WWOX: variants seen among roughly 807,000 people sequenced by gnomAD.
WWOX encodes WW domain containing oxidoreductase, also known as WW domain-containing oxidoreductase.
WWOX carries 69 observed loss-of-function variants against 46.2 expected under a neutral mutation model. The observed-to-expected ratio is 1.49, with a 90% CI of 1.23 to 1.82. The LOEUF is 1.82. Ranked by LOEUF, WWOX falls within the 40% of genes most tolerant of loss-of-function variation. WWOX has a pLI of 0.00. For missense variants in WWOX, 919 were observed against 542.6 expected, an observed-to-expected ratio of 1.69 and a Z score of -6.89; for synonymous variants, 359 against 202.6, an observed-to-expected ratio of 1.77 and a Z score of -6.56.
intron 5 of WWOX, among the ~76,000 whole-genome samples, chr16:78,208,149 A>G (rs1262227061): frequency 6.6e-6 from 1 of 152,192 alleles, no homozygotes; most frequent in Non-Finnish European, 1.5e-5. Flanking sequence ...ATCATATGCC[A>G]ATGTTTTATT....
At chr16:78,334,851 CACACAA>C (rs1292861711) in intron 5 of WWOX, among the ~76,000 whole-genome samples, 4 of 136,190 alleles carry the variant, frequency 2.9e-5, no homozygotes, top group South Asian at 2.3e-4. Flanking sequence ...CACACACACA[CACACAA>C]AATCACCAAA....
chr16:78,160,330 G>T (rs1343378003), intron 4 of WWOX, among the ~76,000 whole-genome samples: 3 of 152,020 alleles, frequency 2.0e-5, no homozygotes, highest in Non-Finnish European at 2.9e-5. Context: ...TTGCCATGTT[G>T]CCCAGGCTGG....
chr16:78,671,220 CGAG>C (rs2047455700), intron 8 of WWOX, among the ~76,000 whole-genome samples: 1 of 152,016 alleles, frequency 6.6e-6, no homozygotes, highest in Non-Finnish European at 1.5e-5. Flanking sequence ...CCCAGGAGTT[CGAG>C]ACCAGCCTGG....
chr16:78,377,040 C>T (rs762167211), intron 5 of WWOX, among the ~76,000 whole-genome samples: 4 of 152,200 alleles, frequency 2.6e-5, no homozygotes, highest in East Asian at 1.9e-4. Flanking sequence ...CTTTCTGAAT[C>T]GAGGAGGTGG....
intron 5 of WWOX, among the ~76,000 whole-genome samples, chr16:78,296,993 CCT>C (rs1405990133): frequency 1.3e-5 from 2 of 152,086 alleles, no homozygotes; most frequent in Admixed American, 1.3e-4. Flanking sequence ...GATTCTCTCC[CCT>C]TTCTCTTCTT....
chr16:78,791,417 C>T (rs1021397508), intron 8 of WWOX, among the ~76,000 whole-genome samples: 1 of 152,160 alleles, frequency 6.6e-6, no homozygotes, highest in Non-Finnish European at 1.5e-5. Context: ...CATCATTCAT[C>T]TCCTGAAACG....
intron 8 of WWOX, among the ~76,000 whole-genome samples, chr16:79,013,507 C>T (rs940494269): frequency 1.3e-5 from 2 of 152,168 alleles, no homozygotes; most frequent in African/African-American, 2.4e-5. Flanking sequence ...TGAAGTCACT[C>T]AAAGCTCAGG....
intron 8 of WWOX, chr16:78,496,538 A>G (rs1419597077): frequency 6.6e-6 from 1 of 152,218 alleles, no homozygotes; most frequent in Non-Finnish European, 1.5e-5. Context: ...AGGTGTGTGT[A>G]CCATTCTATG....
chr16:78,872,617 T>A (rs1177809140), intron 8 of WWOX: 1 of 152,160 alleles, frequency 6.6e-6, no homozygotes, highest in Non-Finnish European at 1.5e-5. Context: ...CAGTAAATGC[T>A]CACTGTCTTT....
chr16:78,409,299 C>A (rs1296977852), intron 6 of WWOX, among the ~76,000 whole-genome samples: 3 of 152,086 alleles, frequency 2.0e-5, no homozygotes, highest in Non-Finnish European at 4.4e-5. Context: ...CATAGAGCTG[C>A]CATCATCACT....
chr16:78,610,575 A>C (rs543746022), intron 8 of WWOX, among the ~76,000 whole-genome samples: 1 of 152,302 alleles, frequency 6.6e-6, no homozygotes, highest in East Asian at 1.9e-4. Context: ...AAAATTGCTC[A>C]GTGCATTTAT....
intron 8 of WWOX, among the ~76,000 whole-genome samples, chr16:78,591,917 T>C (rs774990714): frequency 6.6e-5 from 10 of 152,210 alleles, no homozygotes; most frequent in Non-Finnish European, 1.5e-4. Context: ...CTGACCACTC[T>C]CTGTACAGAT....
intron 8 of WWOX, among the ~76,000 whole-genome samples, chr16:78,588,303 A>G (rs372566258): frequency 2.0e-5 from 3 of 152,308 alleles, no homozygotes; most frequent in East Asian, 1.9e-4. Context: ...TTGGGTGCGG[A>G]TAATGGATAA....
chr16:78,196,362 A>C (rs1014599463), intron 5 of WWOX, among the ~76,000 whole-genome samples: 5 of 152,196 alleles, frequency 3.3e-5, no homozygotes, highest in African/African-American at 1.2e-4. Flanking sequence ...AATTCCCTGA[A>C]GGACATATAA....
chr16:78,817,853 C>A (rs1012534263), intron 8 of WWOX, among the ~76,000 whole-genome samples: 2 of 152,262 alleles, frequency 1.3e-5, no homozygotes, highest in African/African-American at 4.8e-5. Context: ...GAGGTCAAGC[C>A]TTCTTATTGT....
chr16:78,571,963 G>A (rs1394023699), intron 8 of WWOX, among the ~76,000 whole-genome samples: 3 of 152,228 alleles, frequency 2.0e-5, no homozygotes, highest in African/African-American at 7.2e-5. Context: ...AGCACTGGAA[G>A]GATGTGGAGA....
intron 8 of WWOX, among the ~76,000 whole-genome samples, chr16:78,736,481 G>T (rs2049094498): frequency 6.6e-6 from 1 of 152,182 alleles, no homozygotes; most frequent in Non-Finnish European, 1.5e-5. Flanking sequence ...ACCACCGTTG[G>T]TGTCTCAAAG....
At chr16:79,167,988 C>G (rs769962076) in intron 8 of WWOX, among the ~76,000 whole-genome samples, 1 of 152,136 alleles carries the variant, frequency 6.6e-6, no homozygotes, top group African/African-American at 2.4e-5. Context: ...AATATGTGAC[C>G]TTTTGTGTCT....
intron 8 of WWOX, among the ~76,000 whole-genome samples, chr16:79,173,321 A>G (rs1345531298): frequency 6.9e-6 from 1 of 145,240 alleles, no homozygotes; most frequent in Admixed American, 7.1e-5. Flanking sequence ...TTAGAGACGT[A>G]AAAACACTTT....
Sources: allele counts gnomAD v4.1 joint callset (sites outside exome capture counted in the v4.1 genomes callset), GRCh38; gene constraint gnomAD v4.1.1; transcripts MANE v1.5; gene names NCBI Gene and HGNC (gene_info 2026-07-23, HGNC 2026-07-21).